Variants in ZNF512B observed in about 807,000 individuals in gnomAD.
ZNF512B encodes the protein zinc finger protein 512B.
ZNF512B carries 22 observed loss-of-function variants against 87.8 expected under a neutral mutation model. The ratio of observed to expected loss-of-function variants is 0.25; its 90% CI spans 0.18 to 0.36. The LOEUF (loss-of-function observed/expected upper bound fraction) is 0.36, where lower values mean the gene tolerates loss of function less well. Ranked by LOEUF, ZNF512B falls within the 10% of genes least tolerant of loss-of-function variation. ZNF512B has a pLI of 1.00. For missense variants in ZNF512B, 1,060 were observed against 1,231.6 expected, an observed-to-expected ratio of 0.86 and a Z score of 2.09; for synonymous variants, 524 against 490.9, an observed-to-expected ratio of 1.07 and a Z score of -0.89.
At position 63,960,699 on chromosome 20, in the gene ZNF512B, G is replaced by A. The variant is rs376281493; in HGVS notation, c.2428-560C>T. Reference sequence around the variant, plus strand: ...CAGCAGGGGGCTGGACACAGCCTTCGGGACCAGGCAAGCACCTGCAGGGGG... The same window carrying A: ...CAGCAGGGGGCTGGACACAGCCTTCAGGACCAGGCAAGCACCTGCAGGGGG... On this transcript the variant is annotated intron_variant, in intron 16 of 16. Coordinates refer to ENST00000369888, the MANE Select transcript of ZNF512B (RefSeq NM_020713.3). 1.5e-3 allele frequency among the ~76,000 whole-genome samples: 191 copies of A among 128,182 alleles called. 4 individuals carry two copies. The South Asian group carries it at 0.041, about 27-fold the overall frequency. 84.1% of individuals were successfully genotyped at this position (128,182 alleles called of 152,430 possible).
chr20:63,966,388 A>G lies in ZNF512B; in HGVS notation c.787T>C (p.Ser263Pro), dbSNP rs1054191158. Reference sequence around the variant, plus strand: ...GGTACGGGTTTGGTGACCGGCACAGACTTGGTGACTGTGATGGGTTTGGTG... The same window carrying G: ...GGTACGGGTTTGGTGACCGGCACAGGCTTGGTGACTGTGATGGGTTTGGTG... ...PVTKPITVTK[S>P]VPVTKPVPVT... The change falls in exon 5 of 17, where the codon TCT becomes CCT. Residue 263 changes from serine (S) to proline (P), a missense_variant. By Grantham distance (74) the Ser-to-Pro change is moderately conservative (BLOSUM62 -1). Around this residue, in one of 9 missense-constraint regions of ZNF512B, gnomAD observed 201 missense variants for 226.8 expected, o/e 0.89. Coordinates refer to ENST00000369888, the MANE Select transcript of ZNF512B (RefSeq NM_020713.3). 1 of 1,613,286 alleles carries G rather than the reference A, an allele frequency of 6.2e-7. No individual in the cohort carries two copies. The highest frequency in any genetic ancestry group is 8.5e-7 in the Non-Finnish European group (1 of 1,179,806).
At position 63,966,301 on chromosome 20, in the gene ZNF512B, T is replaced by G; in HGVS notation, c.874A>C (p.Lys292Gln). The G allele has an allele frequency of 6.2e-7, 1 of 1,604,284 alleles. No individual in the cohort carries two copies. The highest frequency in any genetic ancestry group is 8.5e-7 in the Non-Finnish European group (1 of 1,172,654). ...VTVTKPVPVT[K>Q]PVTVSRPIVV... ...ATGGGCCTGCTGACTGTCACTGGCT[T>G]GGTGACCGGCACGGGTTTCGTAACT... Residue 292 changes from lysine (K) to glutamine (Q), a missense_variant, in exon 5 of 17, where the codon AAG becomes CAG. Transcript: ENST00000369888.
At position 63,961,688 on chromosome 20, in the gene ZNF512B, C is replaced by A. The variant is rs1237673366; in HGVS notation, c.2328+254G>T. Among the ~76,000 whole-genome samples the A allele has an allele frequency of 2.0e-5, 3 of 152,140 alleles. No homozygotes were observed. Among genetic ancestry groups the A allele is most frequent in the African/African-American group, 7.2e-5 (3 of 41,414 alleles). On this transcript the variant is annotated intron_variant, in intron 15 of 16. Transcript: ENST00000369888. The surrounding 1 kb of genome is among the most constrained non-coding windows in gnomAD (Gnocchi z 6.4). The stretch of plus-strand genomic sequence containing the variant: ...CATCTGCGTGGGTCGGGGTGCCCAC[C>A]CATGCCTACATGGACGCAGAGCTCC...
Position 63,963,687 on chromosome 20 carries a change from C to G in ZNF512B, c.1629G>C (p.Gln543His), listed in dbSNP as rs369425056. The G allele has an allele frequency of 1.9e-6, 3 of 1,613,378 alleles. No homozygotes were observed. Among genetic ancestry groups the G allele is most frequent in the South Asian group, 1.1e-5 (1 of 91,092 alleles). Residue 543 changes from glutamine to histidine, a missense_variant, in exon 10 of 17, where the codon CAG becomes CAC. Coordinates refer to ENST00000369888, the MANE Select transcript of ZNF512B (RefSeq NM_020713.3). ...TGGACTTGAACTGCTTCCGGCAGTG[C>G]TGGCACTTGAGTGCATCCTGAAGCT... Reference protein sequence around the residue: ...CQKLQDALKCQHCRKQFKSKA... With the variant: ...CQKLQDALKCHHCRKQFKSKA...
intron 8 of ZNF512B, 53 bp downstream of exon 8, chr20:63,964,018 G>A: frequency 1.9e-6 from 3 of 1,594,098 alleles, no homozygotes; most frequent in East Asian, 2.2e-5. Flanking sequence ...CCTGTGCTGT[G>A]GGATCTACCC....
At position 63,966,214 on chromosome 20, in the gene ZNF512B, A is replaced by G; in HGVS notation, c.961T>C (p.Cys321Arg). 6.2e-7 allele frequency: 1 copy of G among 1,613,920 alleles called. No homozygotes were observed. Among genetic ancestry groups the G allele is most frequent in the Non-Finnish European group, 8.5e-7 (1 of 1,180,040 alleles). Residue 321 changes from cysteine to arginine, a missense_variant, in exon 5 of 17, where the codon TGC (cysteine) becomes CGC (arginine). Cys to Arg is a radical substitution (Grantham distance 180, BLOSUM62 -3). This residue lies in a region of ZNF512B where 201 missense variants were observed against 226.8 expected (regional missense o/e 0.89). Coordinates refer to ENST00000369888, the MANE Select transcript of ZNF512B (RefSeq NM_020713.3). ...GACCTGGTCAGCAGCACCATTTTGC[A>G]GGGCGGTGTGTGTCTGCTGATAGCA... ...PIAISRHTPP[C>R]KMVLLTRSEN... is the part of the protein sequence containing the mutation.
Position 63,961,266 on chromosome 20 carries a change from T to A in ZNF512B, c.2427+43A>T. The A allele has an allele frequency of 6.3e-7, 1 of 1,594,858 alleles. No homozygotes were observed. The highest frequency in any genetic ancestry group is 8.6e-7 in the Non-Finnish European group (1 of 1,167,746). ...GCCCAACCCCAGCCCTGTCCCCTCC[T>A]GGGCTAGCCCCCAGCCACAGGCCCT... On this transcript the variant is annotated intron_variant, in intron 16 of 16. Transcript: ENST00000369888. The surrounding 1 kb of genome is among the most constrained non-coding windows in gnomAD (Gnocchi z 6.4).
intron 1 of ZNF512B, among the ~76,000 whole-genome samples, chr20:63,968,588 C>T (rs1181380569): frequency 6.6e-6 from 1 of 152,218 alleles, no homozygotes; most frequent in Non-Finnish European, 1.5e-5. Context: ...ACTGAGGACC[C>T]CTGGCCCAAT....
In ZNF512B at chr20:63,961,549, C is replaced by T. The variant is rs1322385058; in HGVS notation, c.2329-142G>A. 3 of 779,148 alleles carry T rather than the reference C, an allele frequency of 3.9e-6. No individual in the cohort carries two copies. The highest frequency in any genetic ancestry group is 1.7e-5 in the African/African-American group (1 of 58,666). 48.3% of individuals were successfully genotyped at this position (779,148 alleles called of 1,614,324 possible). ...CTGTGCCAGACAATGCAGGGGGCCA[C>T]TGAGTTACCAGGGCGGCAGGGGTGG... On this transcript the variant is annotated intron_variant, in intron 15 of 16. Transcript: ENST00000369888. The surrounding 1 kb of genome is among the most constrained non-coding windows in gnomAD (Gnocchi z 6.4).
At position 63,967,472 on chromosome 20, in the gene ZNF512B, C is replaced by T. The variant is rs750533448; in HGVS notation, c.173G>A (p.Cys58Tyr). 6.2e-7 allele frequency: 1 copy of T among 1,612,666 alleles called. No individual in the cohort carries two copies. ...ACTGGCTGGACTTCCCGGGTCAAAGCAGAGAGGGGCCTGGCCGGGCACTGT... is the reference window on the plus strand; with the variant it reads ...ACTGGCTGGACTTCCCGGGTCAAAGTAGAGAGGGGCCTGGCCGGGCACTGT... ...GQTVPGQAPL[C>Y]FDPGSPASDK... Residue 58 changes from cysteine to tyrosine, a missense_variant, in exon 3 of 17, where the codon TGC becomes TAC. By Grantham distance (194) the Cys-to-Tyr change is radical. This residue lies in a region of ZNF512B where 134 missense variants were observed against 153.6 expected (regional missense o/e 0.87). Transcript: ENST00000369888.
chr20:63,964,526 A>C lies in ZNF512B; in HGVS notation c.1225T>G (p.Ser409Ala). ...MEALKAAGPA[S>A]PPEEDPERTK... is the part of the protein sequence containing the mutation. ...CGCTCCGGGTCCTCCTCAGGCGGGG[A>C]CGCAGGGCCTGCAGCCTTCAGTGCC... Residue 409 changes from serine to alanine, a missense_variant, in exon 6 of 17, where the codon TCC becomes GCC. By Grantham distance (99) the Ser-to-Ala change is moderately conservative (BLOSUM62 1). Coordinates refer to ENST00000369888, the MANE Select transcript of ZNF512B (RefSeq NM_020713.3). The C allele has an allele frequency of 6.2e-7, 1 of 1,612,736 alleles. No individual in the cohort carries two copies. Among genetic ancestry groups the C allele is most frequent in the Non-Finnish European group, 8.5e-7 (1 of 1,179,896 alleles).
At position 63,964,334 on chromosome 20, in the gene ZNF512B, G is replaced by T. The variant is rs746586815; in HGVS notation, c.1319C>A (p.Thr440Asn). 5.6e-6 allele frequency: 9 copies of T among 1,613,824 alleles called. No homozygotes were observed. The highest frequency in any genetic ancestry group is 7.6e-6 in the Non-Finnish European group (9 of 1,179,954). ...FTGEQPSISG[T>N]FGLKGLVKAE... is the part of the protein sequence containing the mutation. ...TGGGGTCTTACCTTTGAGCCCAAAG[G>T]TCCCTGAGATGGATGGCTGCTCCCC... The change falls in exon 7 of 17, where the codon ACC (threonine) becomes AAC (asparagine). Residue 440 changes from threonine to asparagine, a missense_variant. Thr to Asn is a moderately conservative substitution (Grantham distance 65, BLOSUM62 0). Transcript: ENST00000369888.
rs1470761114 is a variant in ZNF512B, at chr20:63,958,081, G to A, written c.*1807C>T. On this transcript the variant is annotated 3_prime_UTR_variant, in exon 17 of 17. Transcript: ENST00000369888. ...GCACATCTGGCAAGGGCTGCTGAGG[G>A]TTGGAGCCTTCTGGCCCAAGGATGA... is the stretch of plus-strand genomic sequence containing the variant. 6.6e-6 allele frequency: 1 copy of A among 152,254 alleles called. No individual in the cohort carries two copies. Among genetic ancestry groups the A allele is most frequent in the Non-Finnish European group, 1.5e-5 (1 of 68,068 alleles). 9.4% of individuals were successfully genotyped at this position (152,254 alleles called of 1,614,324 possible).
In ZNF512B at chr20:63,963,624, A is replaced by C. The variant is rs767954326; in HGVS notation, c.1692T>G (p.Ser564Arg). The change falls in exon 10 of 17, where the codon AGT (serine) becomes AGG (arginine). Residue 564 changes from serine to arginine, a missense_variant. By Grantham distance (110) the Ser-to-Arg change is moderately radical (BLOSUM62 -1). This residue lies in a region of ZNF512B where 165 missense variants were observed against 173.0 expected (regional missense o/e 0.95). Transcript: ENST00000369888. ...GLNYHTMAEH[S>R]AKPSDAEASE... Reference sequence around the variant, plus strand: ...GCTGGGGGCCCGACGGTACCTTGGCACTGTGCTCGGCCATAGTGTGGTAGT... The same window carrying C: ...GCTGGGGGCCCGACGGTACCTTGGCCCTGTGCTCGGCCATAGTGTGGTAGT... 6.2e-7 allele frequency: 1 copy of C among 1,613,406 alleles called. No individual in the cohort carries two copies. The highest frequency in any genetic ancestry group is 1.3e-5 in the African/African-American group (1 of 74,928).
intron 1 of ZNF512B, 68 bp downstream of exon 1, chr20:63,969,746 G>C (rs2058962191): frequency 6.9e-6 from 1 of 144,306 alleles, no homozygotes; most frequent in Non-Finnish European, 1.5e-5. Flanking sequence ...GCGCAGGGTC[G>C]AGATCCGGGG....
Position 63,961,437 on chromosome 20 carries a change from G to A in ZNF512B, c.2329-30C>T, listed in dbSNP as rs2058849775. 6.3e-7 allele frequency: 1 copy of A among 1,594,086 alleles called. No individual in the cohort carries two copies. The highest frequency in any genetic ancestry group is 1.7e-4 in the Middle Eastern group (1 of 6,030). ...AATGCATAGGCAGGCCAGTGCCCCA[G>A]CCCTTGGAGGACCCAGATCTGTCCT... On this transcript the variant is annotated intron_variant, in intron 15 of 16. Transcript: ENST00000369888. The surrounding 1 kb of genome is among the most constrained non-coding windows in gnomAD (Gnocchi z 6.4).
chr20:63,956,749 C>T lies in ZNF512B; in HGVS notation c.*3139G>A, dbSNP rs2058715913. ...TTTATTTGATACAGTCATTTTAATA[C>T]ATACAGTGATGGCCCGTCCCCACGC... On this transcript the variant is annotated 3_prime_UTR_variant, in exon 17 of 17. Coordinates refer to ENST00000369888, the MANE Select transcript of ZNF512B (RefSeq NM_020713.3). 1 of 160,974 alleles carries T rather than the reference C, an allele frequency of 6.2e-6. No homozygotes were observed. The highest frequency in any genetic ancestry group is 2.4e-5 in the African/African-American group (1 of 41,846). 10.0% of individuals were successfully genotyped at this position (160,974 alleles called of 1,614,324 possible).
chr20:63,967,216 C>T (rs1464213397), intron 3 of ZNF512B, among the ~76,000 whole-genome samples, 165 bp downstream of exon 3: 1 of 152,260 alleles, frequency 6.6e-6, no homozygotes, highest in Non-Finnish European at 1.5e-5. Flanking sequence ...CCGAATCTCC[C>T]GGCACATCAG....
At position 63,961,390 on chromosome 20, in the gene ZNF512B, C is replaced by T; in HGVS notation, c.2346G>A (p.Gly782=). The change falls in exon 16 of 17, where the codon GGG becomes GGA. Residue 782 remains glycine (G), a synonymous_variant. Coordinates refer to ENST00000369888, the MANE Select transcript of ZNF512B (RefSeq NM_020713.3). The surrounding 1 kb of genome is among the most constrained non-coding windows in gnomAD (Gnocchi z 6.4). ...ASCSKGAHLA[G]KYRCLLCPKE... is the part of the protein sequence containing the mutation. ...TCGGACACAGCAGACAGCGGTACTT[C>T]CCTGCCAGGTGGGCCCCCTGCAATG... 6.2e-7 allele frequency: 1 copy of T among 1,612,300 alleles called. No homozygotes were observed. Among genetic ancestry groups the T allele is most frequent in the South Asian group, 1.1e-5 (1 of 91,086 alleles).
Sources: gnomAD v4.1 joint callset for allele counts (sites outside exome capture counted in the v4.1 genomes callset) on GRCh38, gnomAD v4.1.1 for gene constraint, gnomAD v4.1.1 regional missense constraint, Gnocchi (gnomAD v3.1) non-coding constraint, MANE v1.5 for transcripts, NCBI Gene and HGNC (gene_info 2026-07-23, HGNC 2026-07-21) for gene names.